RAD51B: variants seen among roughly 807,000 people sequenced by gnomAD.
The protein encoded by RAD51B is RAD51 paralog B.
RAD51B carries 38 observed loss-of-function variants against 42.2 expected under a neutral mutation model. The ratio of observed to expected loss-of-function variants is 0.90; its 90% CI spans 0.70 to 1.18. The LOEUF is 1.18. Among genes scored for constraint, RAD51B ranks in the 50% most tolerant of loss-of-function variants. The pLI, the probability that RAD51B is intolerant of heterozygous loss-of-function variation, is 0.00. For missense variants in RAD51B, 373 were observed against 400.7 expected, an observed-to-expected ratio of 0.93 and a Z score of 0.59; for synonymous variants, 154 against 145.2, an observed-to-expected ratio of 1.06 and a Z score of -0.43.
At position 68,393,761 on chromosome 14, in the gene RAD51B, C is replaced by G. The variant is rs1487668115; in HGVS notation, c.854-17663C>G. Among the ~76,000 whole-genome samples, 3 of 152,342 alleles carry G rather than the reference C, an allele frequency of 2.0e-5. No homozygotes were observed. The East Asian group carries it at 5.8e-4, about 29-fold the overall frequency. On this transcript the variant is annotated intron_variant, in intron 8 of 10. Transcript: ENST00000471583. The stretch of plus-strand genomic sequence containing the variant: ...AGGTAAAGGTGAACTTGCCAGGTCA[C>G]TAAATATATTTAGGGCCCCCTTTTA...
At chr14:68,391,080 CA>C (rs1424001536) in intron 8 of RAD51B, among the ~76,000 whole-genome samples, 1 of 152,284 alleles carries the variant, frequency 6.6e-6, no homozygotes, top group Admixed American at 6.5e-5. Context: ...GATATGTTCA[CA>C]AGATACTTTC....
chr14:67,873,635 A>C (rs2042621015), intron 5 of RAD51B, among the ~76,000 whole-genome samples: 1 of 151,748 alleles, frequency 6.6e-6, no homozygotes, highest in African/African-American at 2.4e-5. Flanking sequence ...AGACACATGC[A>C]CACGTATGTT....
intron 9 of RAD51B, among the ~76,000 whole-genome samples, chr14:68,452,062 G>A (rs1248303637): frequency 6.6e-6 from 1 of 152,148 alleles, no homozygotes; most frequent in African/African-American, 2.4e-5. Flanking sequence ...TAATGGGCCT[G>A]GACAGGAGGA....
At chr14:68,329,556 T>C in intron 8 of RAD51B, among the ~76,000 whole-genome samples, 1 of 152,198 alleles carries the variant, frequency 6.6e-6, no homozygotes, top group East Asian at 1.9e-4. Flanking sequence ...GGACCAATAA[T>C]AGGGTGTATT....
chr14:67,875,480 G>C (rs2042695913), intron 5 of RAD51B, among the ~76,000 whole-genome samples: 1 of 152,132 alleles, frequency 6.6e-6, no homozygotes, highest in Non-Finnish European at 1.5e-5. Flanking sequence ...GGTTGCATAA[G>C]ATTATAATAC....
At chr14:68,649,399 C>G (rs1041870962) in intron 10 of RAD51B, among the ~76,000 whole-genome samples, 2 of 152,216 alleles carry the variant, frequency 1.3e-5, no homozygotes, top group East Asian at 3.8e-4. Context: ...TCTCTCTGAG[C>G]CTCTGCTCCA....
chr14:68,616,991 G>A (rs1891839350), intron 10 of RAD51B, among the ~76,000 whole-genome samples: 2 of 151,836 alleles, frequency 1.3e-5, no homozygotes, highest in South Asian at 4.2e-4. Context: ...AGTATATTTT[G>A]CCTACTTAAA....
chr14:67,834,154 A>C (rs555728254), intron 3 of RAD51B, among the ~76,000 whole-genome samples: 1 of 152,132 alleles, frequency 6.6e-6, no homozygotes. Context: ...GTGGCCATTA[A>C]CATTCCTTGG....
rs572595828 is a variant in RAD51B at position 68,671,572 on chromosome 14, C to G, written c.*11+20716C>G. ...CTCTGCTCTCTCCCCCAACACCCCGCCTCCGACAACCTCTGGGGAGCATGG... is the reference window on the plus strand; with the variant it reads ...CTCTGCTCTCTCCCCCAACACCCCGGCTCCGACAACCTCTGGGGAGCATGG... On this transcript the variant is annotated intron_variant, in intron 11 of 11. Coordinates refer to the RAD51B transcript ENST00000488612. Among the ~76,000 whole-genome samples the G allele has an allele frequency of 2.2e-3, 341 of 152,210 alleles. 2 individuals carry two copies. Among genetic ancestry groups the G allele is most frequent in the African/African-American group, 7.7e-3 (319 of 41,508 alleles).
chr14:68,523,062 C>T (rs191159496), intron 10 of RAD51B, among the ~76,000 whole-genome samples: 67 of 152,282 alleles, frequency 4.4e-4, no homozygotes, highest in African/African-American at 1.3e-3. Flanking sequence ...AGTGAATCCC[C>T]GGGGACCCTT....
At chr14:68,609,785 G>A (rs115624012) in intron 10 of RAD51B, among the ~76,000 whole-genome samples, 1,642 of 152,146 alleles carry the variant, frequency 0.011, 36 homozygotes, top group African/African-American at 0.038. Context: ...CCTGGCCATC[G>A]GCTGCTACTG....
chr14:67,912,602 A>G (rs2044021704), intron 7 of RAD51B, among the ~76,000 whole-genome samples: 1 of 152,218 alleles, frequency 6.6e-6, no homozygotes, highest in South Asian at 2.1e-4. Context: ...AGTAAATTGT[A>G]AAAGTAGAGA....
In RAD51B at chr14:68,477,356, A is replaced by G. The variant is rs2842320; in HGVS notation, c.1037-292A>G. ...CAGGGGAAACTTGGGGGTCATAGAG[A>G]AAGCTGAAGAGGGGTGCTTGCTTCT... On this transcript the variant is annotated intron_variant, in intron 10 of 10. Coordinates refer to ENST00000471583, the MANE Select transcript of RAD51B (RefSeq NM_133510.4). 0.15 allele frequency among the ~76,000 whole-genome samples: 22,786 copies of G among 152,172 alleles called. 1,966 individuals carry two copies. The highest frequency in any genetic ancestry group is 0.3 in the Middle Eastern group (88 of 294).
downstream of RAD51B, among the ~76,000 whole-genome samples, chr14:68,615,302 G>T (rs951538577): frequency 6.6e-6 from 1 of 151,800 alleles, no homozygotes; most frequent in Non-Finnish European, 1.5e-5. Flanking sequence ...ATGAAGTTCT[G>T]TTAGCAGGTA....
chr14:68,434,685 C>T (rs1357653127), intron 9 of RAD51B, among the ~76,000 whole-genome samples: 2 of 152,210 alleles, frequency 1.3e-5, no homozygotes, highest in Non-Finnish European at 2.9e-5. Context: ...TGACCCCTTG[C>T]ACTTCCCGGG....
At chr14:68,449,440 AT>A (rs2085501870) in intron 9 of RAD51B, among the ~76,000 whole-genome samples, 1 of 152,204 alleles carries the variant, frequency 6.6e-6, no homozygotes, top group Non-Finnish European at 1.5e-5. Context: ...CTGTTTTTAA[AT>A]GTCTTTTAGT....
chr14:68,303,457 T>TAAAAAAAAAAAAAA (rs58955054), intron 8 of RAD51B, among the ~76,000 whole-genome samples: 1 of 138,740 alleles, frequency 7.2e-6, no homozygotes, highest in African/African-American at 2.8e-5. Flanking sequence ...TAAAGTATAA[T>TAAAAAAAAAAAAAA]AAAAAAAAAA....
intron 7 of RAD51B, among the ~76,000 whole-genome samples, chr14:68,037,748 T>A (rs1329095887): frequency 6.6e-6 from 1 of 152,250 alleles, no homozygotes; most frequent in African/African-American, 2.4e-5. Context: ...CCTGTTGTGT[T>A]CTTCCACATG....
At chr14:67,999,826 C>G (rs1423509500) in intron 7 of RAD51B, among the ~76,000 whole-genome samples, 1 of 151,948 alleles carries the variant, frequency 6.6e-6, no homozygotes, top group Non-Finnish European at 1.5e-5. Flanking sequence ...TTAAATTGTG[C>G]CTTGAAGGTG....
Sources: allele counts gnomAD v4.1 joint callset (sites outside exome capture counted in the v4.1 genomes callset), GRCh38; gene constraint gnomAD v4.1.1; transcripts MANE v1.5; gene names NCBI Gene and HGNC (gene_info 2026-07-23, HGNC 2026-07-21).